The following TMEM74 variants were observed in gnomAD, a reference collection of about 807,000 sequenced individuals.
The protein encoded by TMEM74 is transmembrane protein 74.
Under a neutral mutation model 18.1 loss-of-function variants are expected in TMEM74, and 13 were observed. The observed-to-expected ratio is 0.72, with a 90% CI of 0.47 to 1.14. The LOEUF (loss-of-function observed/expected upper bound fraction) is 1.14, where lower values mean the gene tolerates loss of function less well. TMEM74 is among the 50% of genes most tolerant of loss of function. The pLI, the probability that TMEM74 is intolerant of heterozygous loss-of-function variation, is 0.00. For missense variants in TMEM74, 372 were observed against 375.9 expected (o/e 0.99, Z 0.09); for synonymous variants, 159 against 146.6 (o/e 1.08, Z -0.61).
At chr8:108,657,583 C>A (rs558564451) in intron 1 of TMEM74, among the ~76,000 whole-genome samples, 4 of 151,640 alleles carry the variant, frequency 2.6e-5, no homozygotes, top group African/African-American at 9.7e-5. Flanking sequence ...TTGGACCGGG[C>A]GCGGTGGCTC....
chr8:108,615,415 C>A (rs1812373209), intron 2 of TMEM74, among the ~76,000 whole-genome samples: 1 of 152,142 alleles, frequency 6.6e-6, no homozygotes. Context: ...CCACATAAAC[C>A]AAAGCCCTTG....
chr8:108,680,637 T>C (rs1362524571), intron 1 of TMEM74, among the ~76,000 whole-genome samples: 2 of 152,174 alleles, frequency 1.3e-5, no homozygotes, highest in Admixed American at 6.5e-5. Context: ...ACCACTCCTA[T>C]TCAACATAGT....
At chr8:108,728,499 T>C (rs1408776667) in intron 1 of TMEM74, among the ~76,000 whole-genome samples, 3 of 152,064 alleles carry the variant, frequency 2.0e-5, no homozygotes, top group Non-Finnish European at 2.9e-5. Context: ...TAGAACCTTT[T>C]CCCCTCCCTC....
At chr8:108,658,244 A>G (rs1435274606) in intron 1 of TMEM74, among the ~76,000 whole-genome samples, 1 of 152,118 alleles carries the variant, frequency 6.6e-6, no homozygotes, top group Non-Finnish European at 1.5e-5. Flanking sequence ...CAGCAAGTCC[A>G]TGTTTCAAAC....
rs753274208 is a variant in TMEM74 at position 108,718,247 on chromosome 8, C to T, written n.120-62810G>A. Among the ~76,000 whole-genome samples the T allele has an allele frequency of 4.5e-4, 32 of 71,010 alleles. 7 individuals are homozygous for T. The highest frequency in any genetic ancestry group is 2.2e-3 in the East Asian group (2 of 930). 46.6% of individuals were successfully genotyped at this position (71,010 alleles called of 152,430 possible). A position where few individuals can be genotyped will look rare whatever the true frequency, so the allele number is the denominator to read the frequency against. On this transcript the variant is annotated intron_variant and non_coding_transcript_variant, in intron 1 of 3. Coordinates refer to the TMEM74 transcript ENST00000518838. ...TGCTGGGATTACAGGCGTGAGCCAC[C>T]GCGCCCGGCCCTGACTTAGGTTTTA...
intron 1 of TMEM74, among the ~76,000 whole-genome samples, chr8:108,715,303 A>G (rs1347003614): frequency 1.3e-5 from 2 of 151,924 alleles, no homozygotes; most frequent in Non-Finnish European, 1.5e-5. Flanking sequence ...GGGCTAAAAC[A>G]CTGCTAGGTA....
At chr8:108,728,069 A>T (rs1188315821) in intron 1 of TMEM74, among the ~76,000 whole-genome samples, 1 of 152,220 alleles carries the variant, frequency 6.6e-6, no homozygotes, top group African/African-American at 2.4e-5. Context: ...TCAACTCCCG[A>T]TGAAATGTGT....
At chr8:108,688,041 C>T (rs1389089820) in intron 1 of TMEM74, among the ~76,000 whole-genome samples, 1 of 152,146 alleles carries the variant, frequency 6.6e-6, no homozygotes, top group African/African-American at 2.4e-5. Context: ...GACTAGCATA[C>T]ATTTCAAAAT....
intron 2 of TMEM74, among the ~76,000 whole-genome samples, chr8:108,633,524 A>G (rs1376804531): frequency 1.3e-5 from 2 of 152,066 alleles, no homozygotes; most frequent in Non-Finnish European, 2.9e-5. Context: ...CACAATGAAT[A>G]TAACATTATC....
intron 1 of TMEM74, among the ~76,000 whole-genome samples, chr8:108,689,714 T>C (rs1390023784): frequency 6.6e-6 from 1 of 152,166 alleles, no homozygotes; most frequent in African/African-American, 2.4e-5. Context: ...CCAACACATA[T>C]GGCTTTCTTC....
At chr8:108,622,446 C>T (rs1440166174) in intron 2 of TMEM74, among the ~76,000 whole-genome samples, 6 of 152,044 alleles carry the variant, frequency 3.9e-5, no homozygotes, top group African/African-American at 1.4e-4. Flanking sequence ...CCACTATATG[C>T]AATTAAAACA....
At position 108,611,836 on chromosome 8, in the gene TMEM74, T is replaced by A. The variant is rs894434746; in HGVS notation, n.265-3010A>T. Among the ~76,000 whole-genome samples, 25 of 152,234 alleles carry A rather than the reference T, an allele frequency of 1.6e-4. 1 individual carries two copies. Among genetic ancestry groups the A allele is most frequent in the Admixed American group, 1.4e-3 (21 of 15,284 alleles). On this transcript the variant is annotated intron_variant and non_coding_transcript_variant, in intron 2 of 3. Coordinates refer to the TMEM74 transcript ENST00000518838. ...GCACTGTATTAGTCTGTTCTCACAC[T>A]GCTATGAAGAAATACCAACGACTGG...
At chr8:108,610,360 C>A (rs1812322774) in intron 2 of TMEM74, among the ~76,000 whole-genome samples, 2 of 151,952 alleles carry the variant, frequency 1.3e-5, no homozygotes, top group South Asian at 4.2e-4. Flanking sequence ...TCTGTTCATT[C>A]AATAAATATT....
chr8:108,616,969 G>T (rs971569968), intron 2 of TMEM74, among the ~76,000 whole-genome samples: 3 of 151,030 alleles, frequency 2.0e-5, no homozygotes, highest in Non-Finnish European at 4.4e-5. Flanking sequence ...TATATTTATA[G>T]TCAGTATAGT....
At chr8:108,725,784 G>A (rs577275018) in intron 1 of TMEM74, among the ~76,000 whole-genome samples, 1 of 151,722 alleles carries the variant, frequency 6.6e-6, no homozygotes, top group South Asian at 2.1e-4. Context: ...ACATGTTATA[G>A]GGGCAAAGAT....
chr8:108,731,329 C>A lies in TMEM74; in HGVS notation n.119+56147G>T, dbSNP rs117550759. Among the ~76,000 whole-genome samples, 697 of 152,012 alleles carry A rather than the reference C, an allele frequency of 4.6e-3. 3 individuals carry two copies. The highest frequency in any genetic ancestry group is 6.5e-3 in the Non-Finnish European group (439 of 67,996). ...AGAAATTTCTGGGAAAATGTACAAT[C>A]TTATAATCAATAGAATACATGTTCT... is the stretch of plus-strand genomic sequence containing the variant. On this transcript the variant is annotated intron_variant and non_coding_transcript_variant, in intron 1 of 3. Coordinates refer to the TMEM74 transcript ENST00000518838.
intron 1 of TMEM74, among the ~76,000 whole-genome samples, chr8:108,680,853 G>C (rs1270801787): frequency 2.0e-5 from 3 of 152,118 alleles, no homozygotes; most frequent in Admixed American, 6.5e-5. Context: ...AAAATCACAA[G>C]CATTCTTATA....
At chr8:108,744,117 G>A (rs1214977134) in intron 1 of TMEM74, among the ~76,000 whole-genome samples, 1 of 152,036 alleles carries the variant, frequency 6.6e-6, no homozygotes, top group Non-Finnish European at 1.5e-5. Context: ...CCTATATTCA[G>A]GGCTCACAGC....
rs1015336170 is a variant in TMEM74, at chr8:108,781,986, T to C, written c.*2195A>G. ...CACATTAATTCAGTTTAGTCTGCCATTTGGCTAATTAATCCTGTTTCACCA... is the reference window on the plus strand; with the variant it reads ...CACATTAATTCAGTTTAGTCTGCCACTTGGCTAATTAATCCTGTTTCACCA... On this transcript the variant is annotated 3_prime_UTR_variant, in exon 2 of 2. Transcript: ENST00000297459. 6.6e-6 allele frequency among the ~76,000 whole-genome samples: 1 copy of C among 152,254 alleles called. No homozygotes were observed. Among genetic ancestry groups the C allele is most frequent in the Non-Finnish European group, 1.5e-5 (1 of 68,044 alleles).
Sources: allele counts gnomAD v4.1 joint callset (sites outside exome capture counted in the v4.1 genomes callset), GRCh38; gene constraint gnomAD v4.1.1; transcripts MANE v1.5; gene names NCBI Gene and HGNC (gene_info 2026-07-23, HGNC 2026-07-21).